Variants in PHF20L1 observed in about 807,000 individuals in gnomAD.
The protein encoded by PHF20L1 is PHD finger protein 20-like protein 1.
Under a neutral mutation model 125.5 loss-of-function variants are expected in PHF20L1, and 44 were observed. The observed-to-expected ratio is 0.35, with a 90% CI of 0.28 to 0.45. The LOEUF (loss-of-function observed/expected upper bound fraction) is 0.45. Ranked by LOEUF, PHF20L1 falls within the 20% of genes least tolerant of loss-of-function variation. The pLI, the probability that PHF20L1 is intolerant of heterozygous loss-of-function variation, is 1.00. For synonymous variants in PHF20L1, 380 were observed against 403.1 expected (o/e 0.94, Z 0.69); for missense variants, 1,012 against 1,217.2 (o/e 0.83, Z 2.51).
chr8:132,833,799 A>T (rs1190147516), intron 15 of PHF20L1, among the ~76,000 whole-genome samples: 1 of 152,130 alleles, frequency 6.6e-6, no homozygotes, highest in Non-Finnish European at 1.5e-5. Flanking sequence ...CCCTGCCCTT[A>T]TGATCAAGTA....
chr8:132,826,371 G>C (rs1836180645), intron 14 of PHF20L1: 1 of 152,136 alleles, frequency 6.6e-6, no homozygotes, highest in African/African-American at 2.4e-5. Flanking sequence ...GGAGTAAGGT[G>C]ACGATGTGTG....
At chr8:132,807,688 G>A in intron 8 of PHF20L1, 1 of 454,588 alleles carries the variant, frequency 2.2e-6, no homozygotes, top group South Asian at 1.6e-5. Flanking sequence ...ATTCCAGGGA[G>A]CTCTGGGCTC....
chr8:132,824,735 T>C (rs766325616), intron 13 of PHF20L1: 1 of 170,394 alleles, frequency 5.9e-6, no homozygotes, highest in Non-Finnish European at 1.3e-5. Flanking sequence ...TAATGAAATA[T>C]ATTTTTTTTT....
In PHF20L1 at chr8:132,848,242, G is replaced by A. The variant is rs1036852941; in HGVS notation, c.*2319G>A. 2 of 152,118 alleles carry A rather than the reference G, an allele frequency of 1.3e-5. No homozygotes were observed. The highest frequency in any genetic ancestry group is 2.9e-5 in the Non-Finnish European group (2 of 67,944). 9.4% of individuals were successfully genotyped at this position (152,118 alleles called of 1,614,324 possible). ...ATTTTTGCTCTGCTTATATGTATACGAACTGGAAATCTGAATTTTTAAATT... is the reference window on the plus strand; with the variant it reads ...ATTTTTGCTCTGCTTATATGTATACAAACTGGAAATCTGAATTTTTAAATT... On this transcript the variant is annotated 3_prime_UTR_variant, in exon 21 of 21. Transcript: ENST00000395386.
chr8:132,794,889 T>C, intron 4 of PHF20L1, 72 bp downstream of exon 4: 2 of 910,384 alleles, frequency 2.2e-6, no homozygotes, highest in East Asian at 2.6e-5. Flanking sequence ...TAAATTTTAA[T>C]TAGTGTGTGT....
intron 5 of PHF20L1, 62 bp from the exon 6 acceptor site, chr8:132,799,033 T>G: frequency 1.4e-6 from 2 of 1,403,590 alleles, no homozygotes; most frequent in Non-Finnish European, 2.0e-6. Context: ...AAATTATACA[T>G]TTGATTTTTG....
intron 15 of PHF20L1, among the ~76,000 whole-genome samples, chr8:132,835,084 C>G (rs961259310): frequency 6.6e-6 from 1 of 152,064 alleles, no homozygotes; most frequent in Admixed American, 6.6e-5. Context: ...ACTTCGGTCC[C>G]ATCTGATTAA....
At chr8:132,812,133 A>G (rs1442968862) in intron 9 of PHF20L1, 2 of 979,578 alleles carry the variant, frequency 2.0e-6, no homozygotes, top group Admixed American at 6.2e-5. Flanking sequence ...GTGATCATCC[A>G]ACGGTTAAGT....
intron 15 of PHF20L1, chr8:132,836,317 A>AGT (rs1014601677): frequency 5.5e-6 from 2 of 363,972 alleles, no homozygotes; most frequent in African/African-American, 4.1e-5. Context: ...AGTTACTTAT[A>AGT]ATAGTGTATA....
rs373095565 is a variant in PHF20L1 at position 132,823,890 on chromosome 8, G to A, written c.1580-114G>A. On this transcript the variant is annotated intron_variant, in intron 12 of 20. Coordinates refer to ENST00000395386, the MANE Select transcript of PHF20L1 (RefSeq NM_016018.5). ...GTTCAGGCAGTAAAACATGTAGACC[G>A]TTAGGAGAAAAAGAGTCTTACATAG... 438 of 592,664 alleles carry A rather than the reference G, an allele frequency of 7.4e-4. 9 individuals carry two copies. In the South Asian group the frequency reaches 0.01, roughly 14 times the overall value. 36.7% of individuals were successfully genotyped at this position (592,664 alleles called of 1,614,324 possible).
intron 12 of PHF20L1, among the ~76,000 whole-genome samples, chr8:132,819,799 A>G (rs1265649100): frequency 6.6e-6 from 1 of 151,918 alleles, no homozygotes; most frequent in African/African-American, 2.4e-5. Flanking sequence ...GATAATTGAA[A>G]ACATTCTTTA....
intron 2 of PHF20L1, among the ~76,000 whole-genome samples, chr8:132,792,981 TTA>T: frequency 6.7e-6 from 1 of 150,292 alleles, no homozygotes. Flanking sequence ...TTTTTTTTTT[TTA>T]GTGCCACACA....
At position 132,782,687 on chromosome 8, in the gene PHF20L1, C is replaced by G. The variant is rs1048115383; in HGVS notation, c.83+4776C>G. ...CCTGCAGCCTTTACCTCCCGGGGCT[C>G]AAGCCATCCTCCTGCTTCAACCTCC... On this transcript the variant is annotated intron_variant, in intron 2 of 20. Coordinates refer to ENST00000395386, the MANE Select transcript of PHF20L1 (RefSeq NM_016018.5). Among the ~76,000 whole-genome samples, 6 of 152,108 alleles carry G rather than the reference C, an allele frequency of 3.9e-5. 1 individual carries two copies. Among genetic ancestry groups the G allele is most frequent in the African/African-American group, 1.2e-4 (5 of 41,514 alleles).
At chr8:132,789,428 T>C (rs1831420626) in intron 2 of PHF20L1, among the ~76,000 whole-genome samples, 1 of 152,178 alleles carries the variant, frequency 6.6e-6, no homozygotes, top group Non-Finnish European at 1.5e-5. Context: ...TTAGAGGACT[T>C]TAATTCAAAA....
chr8:132,823,034 G>C (rs1273803955), intron 12 of PHF20L1, among the ~76,000 whole-genome samples: 3 of 151,934 alleles, frequency 2.0e-5, no homozygotes, highest in African/African-American at 7.2e-5. Context: ...ATGTACCTGT[G>C]TCAGCTGCAC....
rs917997603 is a variant in PHF20L1 at position 132,848,050 on chromosome 8, G to T, written c.*2127G>T. 2 of 151,926 alleles carry T rather than the reference G, an allele frequency of 1.3e-5. No homozygotes were observed. The highest frequency in any genetic ancestry group is 2.9e-5 in the Non-Finnish European group (2 of 67,930). 9.4% of individuals were successfully genotyped at this position (151,926 alleles called of 1,614,324 possible). A position where few individuals can be genotyped will look rare whatever the true frequency, so the allele number is the denominator to read the frequency against. ...AACCTATGAATAATGGTGTTGCCTA[G>T]ATTCTTGTCACACACACAGAAGACC... On this transcript the variant is annotated 3_prime_UTR_variant, in exon 21 of 21. Transcript: ENST00000395386.
chr8:132,799,954 G>A (rs1832853568), intron 6 of PHF20L1: 2 of 151,598 alleles, frequency 1.3e-5, no homozygotes, highest in African/African-American at 4.8e-5. Flanking sequence ...GTTCTTTTAA[G>A]CATTCAGTGG....
intron 9 of PHF20L1, chr8:132,811,495 G>A (rs1834385380): frequency 1.0e-6 from 1 of 991,408 alleles, no homozygotes; most frequent in Non-Finnish European, 1.2e-6. Flanking sequence ...AGCTTCTTTT[G>A]TAAGAAGTTT....
At chr8:132,779,999 A>G (rs960385776) in intron 2 of PHF20L1, among the ~76,000 whole-genome samples, 1 of 152,208 alleles carries the variant, frequency 6.6e-6, no homozygotes, top group Non-Finnish European at 1.5e-5. Flanking sequence ...ATAATCACAT[A>G]TTATCACTGA....
Sources: gnomAD v4.1 joint callset for allele counts (sites outside exome capture counted in the v4.1 genomes callset) on GRCh38, gnomAD v4.1.1 for gene constraint, MANE v1.5 for transcripts, NCBI Gene and HGNC (gene_info 2026-07-23, HGNC 2026-07-21) for gene names.